Variants in CHRM3 observed in about 807,000 individuals in gnomAD.
CHRM3 encodes the protein cholinergic receptor muscarinic 3.
CHRM3 carries 11 observed loss-of-function variants against 41.8 expected under a neutral mutation model. That is an observed-to-expected ratio of 0.26 (90% CI 0.17 to 0.44). The LOEUF is 0.44. Among genes scored for constraint, CHRM3 ranks in the 20% least tolerant of loss-of-function variants. The probability of loss-of-function intolerance (pLI) is 1.00; values close to 1 mark genes in which losing one functional copy is unlikely to be tolerated. For synonymous variants in CHRM3, 297 were observed against 301.4 expected, an observed-to-expected ratio of 0.99 and a Z score of 0.15; for missense variants, 571 against 745.4, an observed-to-expected ratio of 0.77 and a Z score of 2.72.
At chr1:239,512,678 G>A (rs1055867829) in intron 2 of CHRM3, among the ~76,000 whole-genome samples, 2 of 148,870 alleles carry the variant, frequency 1.3e-5, no homozygotes, top group African/African-American at 5.0e-5. Flanking sequence ...TCTTCTTTCT[G>A]TTCCTTTACT....
At position 239,576,575 on chromosome 1, in the gene CHRM3, T is replaced by TAC. The variant is rs376692136; in HGVS notation, c.-313+30843_-313+30844dup. 2.7e-3 allele frequency among the ~76,000 whole-genome samples: 354 copies of TAC among 131,664 alleles called. 3 individuals are homozygous for TAC. The highest frequency in any genetic ancestry group is 0.017 in the East Asian group (71 of 4,120). 86.4% of individuals were successfully genotyped at this position (131,664 alleles called of 152,430 possible). On this transcript the variant is annotated intron_variant, in intron 3 of 6. Transcript: ENST00000676153. ...CAGGGAAACAGCAAAACATCATCTC[T>TAC]ACACACACACACACACACGCACACA...
At chr1:239,743,791 T>C (rs80348028) in intron 5 of CHRM3, among the ~76,000 whole-genome samples, 1 of 123,332 alleles carries the variant, frequency 8.1e-6, no homozygotes, top group African/African-American at 3.3e-5. Context: ...TTTTTTTCTT[T>C]TTTTTTTTTT....
intron 5 of CHRM3, among the ~76,000 whole-genome samples, chr1:239,823,381 G>GC (rs1183635640): frequency 6.6e-6 from 1 of 152,030 alleles, no homozygotes; most frequent in East Asian, 1.9e-4. Context: ...TATCTAATGT[G>GC]CCCCAGACAG....
intron 5 of CHRM3, among the ~76,000 whole-genome samples, chr1:239,737,996 A>C (rs1188021031): frequency 6.6e-6 from 1 of 152,142 alleles, no homozygotes; most frequent in Non-Finnish European, 1.5e-5. Context: ...AGAATGACAA[A>C]AATAACAACA....
intron 5 of CHRM3, among the ~76,000 whole-genome samples, chr1:239,799,557 T>G (rs1670050733): frequency 6.6e-6 from 1 of 152,168 alleles, no homozygotes; most frequent in Non-Finnish European, 1.5e-5. Flanking sequence ...AATGTACCCA[T>G]GTCCACAGGT....
intron 2 of CHRM3, among the ~76,000 whole-genome samples, chr1:239,519,111 G>A (rs541033770): frequency 2.2e-4 from 33 of 151,988 alleles, no homozygotes; most frequent in Middle Eastern, 3.4e-3. Flanking sequence ...AGTAAAATTG[G>A]TGTATTTTTA....
In CHRM3 at chr1:239,857,292, G is replaced by C. The variant is rs1311470739; in HGVS notation, c.-20+29914G>C. On this transcript the variant is annotated intron_variant, in intron 6 of 6. Coordinates refer to ENST00000676153, the MANE Select transcript of CHRM3 (RefSeq NM_001375978.1). ...TCTCAACACATGCCCCATAGGGAAA[G>C]AGCCAGAATAGAAATATTTTTGACA... Among the ~76,000 whole-genome samples, 4 of 152,192 alleles carry C rather than the reference G, an allele frequency of 2.6e-5. No homozygotes were observed. In the East Asian group the frequency reaches 7.7e-4, roughly 29 times the overall value.
intron 1 of CHRM3, among the ~76,000 whole-genome samples, chr1:239,431,875 T>A (rs1039723772): frequency 3.3e-5 from 5 of 152,260 alleles, no homozygotes; most frequent in African/African-American, 1.2e-4. Flanking sequence ...ACTCAAGGAA[T>A]CTTCTACTTA....
At chr1:239,515,006 C>T (rs1031079340) in intron 2 of CHRM3, among the ~76,000 whole-genome samples, 1 of 152,092 alleles carries the variant, frequency 6.6e-6, no homozygotes, top group Non-Finnish European at 1.5e-5. Context: ...TATTTGATAA[C>T]TCACACATTT....
rs58433814 is a variant in CHRM3, at chr1:239,531,639, A to ATTTTTTTTTTTTTTTTTTTT, written c.-421-13984_-421-13965dup. 7.2e-5 allele frequency among the ~76,000 whole-genome samples: 4 copies of ATTTTTTTTTTTTTTTTTTTT among 55,880 alleles called. 1 individual carries two copies. Among genetic ancestry groups the ATTTTTTTTTTTTTTTTTTTT allele is most frequent in the African/African-American group, 1.8e-4 (2 of 11,310 alleles). 36.7% of individuals were successfully genotyped at this position (55,880 alleles called of 152,430 possible). Reference sequence around the variant, plus strand: ...ATAAAAACTAATCTCTCTAGAATGGATTTTTTTTTTTTTTTTTTTTTTTTT... The same window carrying ATTTTTTTTTTTTTTTTTTTT: ...ATAAAAACTAATCTCTCTAGAATGGATTTTTTTTTTTTTTTTTTTTTTTTTTTTTTTTTTTTTTTTTTTTT... On this transcript the variant is annotated intron_variant, in intron 2 of 6. Transcript: ENST00000676153.
At chr1:239,566,706 G>C (rs953852786) in intron 3 of CHRM3, among the ~76,000 whole-genome samples, 3 of 152,146 alleles carry the variant, frequency 2.0e-5, no homozygotes, top group African/African-American at 7.2e-5. Context: ...GAATTTTGAG[G>C]CATATTCTTT....
chr1:239,773,685 C>G (rs955288771), intron 5 of CHRM3, among the ~76,000 whole-genome samples: 11 of 152,218 alleles, frequency 7.2e-5, no homozygotes, highest in Non-Finnish European at 1.3e-4. Context: ...GCCCCTCACA[C>G]TTGGCCCTTT....
intron 5 of CHRM3, among the ~76,000 whole-genome samples, chr1:239,765,500 C>T (rs1036792809): frequency 4.6e-5 from 7 of 152,208 alleles, no homozygotes; most frequent in Non-Finnish European, 8.8e-5. Context: ...CAGTCTGTGA[C>T]ATTTGACAGA....
chr1:239,688,508 G>T, intron 5 of CHRM3, among the ~76,000 whole-genome samples: 2 of 135,172 alleles, frequency 1.5e-5, no homozygotes, highest in South Asian at 2.2e-4. Context: ...TATTATATAT[G>T]TTTAATACAA....
chr1:239,551,505 G>A (rs540965263), intron 3 of CHRM3, among the ~76,000 whole-genome samples: 2 of 138,008 alleles, frequency 1.4e-5, no homozygotes, highest in Non-Finnish European at 3.2e-5. Context: ...TTTAAAAATA[G>A]AGCAAAAAAT....
chr1:239,690,973 A>G (rs1659659306), intron 5 of CHRM3, among the ~76,000 whole-genome samples: 1 of 152,120 alleles, frequency 6.6e-6, no homozygotes, highest in Non-Finnish European at 1.5e-5. Flanking sequence ...TGCGGGTAGC[A>G]GAACAGCAGA....
At chr1:239,518,018 A>T (rs1438342516) in intron 2 of CHRM3, among the ~76,000 whole-genome samples, 1 of 151,930 alleles carries the variant, frequency 6.6e-6, no homozygotes, top group African/African-American at 2.4e-5. Flanking sequence ...AGGCAGAAGA[A>T]TCGTTTGAAC....
intron 5 of CHRM3, among the ~76,000 whole-genome samples, chr1:239,773,536 G>C (rs1438684015): frequency 6.6e-6 from 1 of 152,122 alleles, no homozygotes; most frequent in Non-Finnish European, 1.5e-5. Context: ...TTGTATAACA[G>C]TTGCAAGGTG....
intron 1 of CHRM3, among the ~76,000 whole-genome samples, chr1:239,424,050 G>T (rs1662166684): frequency 8.2e-6 from 1 of 121,320 alleles, no homozygotes; most frequent in Admixed American, 9.4e-5. Context: ...GCGAGACTCT[G>T]TCTCAAAAAA....
Sources: gnomAD v4.1 joint callset for allele counts (sites outside exome capture counted in the v4.1 genomes callset) on GRCh38, gnomAD v4.1.1 for gene constraint, MANE v1.5 for transcripts, NCBI Gene and HGNC (gene_info 2026-07-23, HGNC 2026-07-21) for gene names.